The following FAM53A variants were observed in gnomAD, a reference collection of about 807,000 sequenced individuals.
FAM53A encodes the protein family with sequence similarity 53 member A, also known as protein FAM53A.
FAM53A carries 28 observed loss-of-function variants against 26.6 expected under a neutral mutation model. The observed-to-expected ratio is 1.05, with a 90% CI of 0.78 to 1.45. The LOEUF (loss-of-function observed/expected upper bound fraction) is 1.45, where lower values mean the gene tolerates loss of function less well. Ranked by LOEUF, FAM53A falls within the 40% of genes most tolerant of loss-of-function variation. The probability of loss-of-function intolerance (pLI) is 0.00; values close to 1 mark genes in which losing one functional copy is unlikely to be tolerated. For synonymous variants in FAM53A, 290 were observed against 253.1 expected (o/e 1.15, Z -1.38); for missense variants, 650 against 575.8 (o/e 1.13, Z -1.32).
the FAM53A span, among the ~76,000 whole-genome samples, chr4:1,586,907 T>G: frequency 6.6e-6 from 1 of 152,260 alleles, no homozygotes; most frequent in Admixed American, 6.5e-5. Context: ...ACTTGTTATC[T>G]TTCATCTTTT....
chr4:1,621,552 G>A (rs1008019476), intron 1 of FAM53A, among the ~76,000 whole-genome samples: 3 of 152,128 alleles, frequency 2.0e-5, no homozygotes, highest in African/African-American at 7.2e-5. Context: ...GGACAGTGGG[G>A]TGGATCTGCC....
chr4:1,596,913 A>T, the FAM53A span, among the ~76,000 whole-genome samples: 1 of 152,038 alleles, frequency 6.6e-6, no homozygotes, highest in Non-Finnish European at 1.5e-5. Context: ...AACGGAGGAG[A>T]GGGAGACAGC....
chr4:1,674,668 CAAAAA>C (rs34285756), intron 1 of FAM53A, among the ~76,000 whole-genome samples: 1 of 143,604 alleles, frequency 7.0e-6, no homozygotes. Flanking sequence ...GACTCTGTCT[CAAAAA>C]AAAAAAAAAA....
At chr4:1,641,680 C>A in intron 4 of FAM53A, 73 bp from the exon 5 acceptor site, 1 of 1,520,022 alleles carries the variant, frequency 6.6e-7, no homozygotes, top group Middle Eastern at 1.7e-4. Flanking sequence ...ACCAACCCAT[C>A]GAGGGCTCGG....
At chr4:1,601,567 T>TC in the FAM53A span, among the ~76,000 whole-genome samples, 3 of 108,872 alleles carry the variant, frequency 2.8e-5, 1 homozygote, top group African/African-American at 9.2e-5. Flanking sequence ...CTGCGCCCCA[T>TC]TTGCCATGCG....
the FAM53A span, among the ~76,000 whole-genome samples, chr4:1,586,710 G>A: frequency 2.0e-5 from 3 of 151,002 alleles, no homozygotes; most frequent in African/African-American, 7.3e-5. Flanking sequence ...GTGAACCTGG[G>A]AGGCAGAGCT....
chr4:1,586,986 G>A, the FAM53A span, among the ~76,000 whole-genome samples: 1 of 152,180 alleles, frequency 6.6e-6, no homozygotes. Context: ...TTCCCTGACT[G>A]TTCATGACAC....
intron 1 of FAM53A, among the ~76,000 whole-genome samples, chr4:1,621,549 G>T (rs1448055106): frequency 1.3e-5 from 2 of 152,100 alleles, no homozygotes; most frequent in African/African-American, 4.8e-5. Context: ...GGGGGACAGT[G>T]GGGTGGATCT....
At chr4:1,592,822 GC>G in the FAM53A span, among the ~76,000 whole-genome samples, 3 of 152,168 alleles carry the variant, frequency 2.0e-5, no homozygotes, top group African/African-American at 4.8e-5. Context: ...GCCTGAGTGG[GC>G]GCCGGGCACC....
intron 2 of FAM53A, among the ~76,000 whole-genome samples, chr4:1,665,963 C>CCT (rs1331914613): frequency 1.6e-5 from 2 of 126,266 alleles, no homozygotes; most frequent in Non-Finnish European, 3.4e-5. Context: ...CCTGCACCCC[C>CCT]ATATCTAAAA....
chr4:1,684,740 T>C (rs767624922), upstream of FAM53A, among the ~76,000 whole-genome samples: 7 of 152,072 alleles, frequency 4.6e-5, no homozygotes, highest in Non-Finnish European at 1.0e-4. Flanking sequence ...GCCGCCGCCT[T>C]CCCGCCTGCC....
chr4:1,601,886 T>G, the FAM53A span, among the ~76,000 whole-genome samples: 1 of 25,288 alleles, frequency 4.0e-5, no homozygotes, highest in African/African-American at 9.7e-5. Context: ...GGAGGGGGGA[T>G]GGGCGGCCAG....
At chr4:1,574,531 T>G in the FAM53A span, 17 of 152,450 alleles carry the variant, frequency 1.1e-4, no homozygotes, top group African/African-American at 3.9e-4. Flanking sequence ...TCCAGCACGT[T>G]TCTTCAGATT....
In FAM53A at chr4:1,655,509, G is replaced by C. The variant is rs774881060; in HGVS notation, c.351C>G (p.Thr117=). 7.6e-6 allele frequency: 12 copies of C among 1,571,458 alleles called. No individual in the cohort carries two copies. The highest frequency in any genetic ancestry group is 1.1e-5 in the South Asian group (1 of 87,388). Residue 117 remains threonine, a synonymous_variant, in exon 4 of 5, where the codon ACC becomes ACG. Transcript: ENST00000308132. ...CTGACAAGGACCGGCAATGCCGCTTGGTCGGTGGGGCCGTGGACGAGCCTG... is the reference window on the plus strand; with the variant it reads ...CTGACAAGGACCGGCAATGCCGCTTCGTCGGTGGGGCCGTGGACGAGCCTG... The part of the protein sequence containing the change: ...ESTGSSTAPP[T]KRHCRSLSEP...
chr4:1,631,747 C>T lies in FAM53A; in HGVS notation c.432-13636G>A, dbSNP rs59729385. Among the ~76,000 whole-genome samples the T allele has an allele frequency of 6.5e-3, 982 of 152,240 alleles. 14 individuals carry two copies. The highest frequency in any genetic ancestry group is 0.023 in the African/African-American group (943 of 41,530). On this transcript the variant is annotated intron_variant, in intron 1 of 1. Transcript: ENST00000489029. ...ACGTGGAATAAACACACAGAAAAGC[C>T]GCTCCCACAGGCAACCCACTGAAAA...
chr4:1,649,194 G>GGGGAAGGGGAAA (rs1712528681), intron 4 of FAM53A, among the ~76,000 whole-genome samples: 3 of 143,958 alleles, frequency 2.1e-5, no homozygotes, highest in African/African-American at 5.4e-5. Context: ...GGAAGGGGAA[G>GGGGAAGGGGAAA]GGGAAAGGGA....
rs1711695533 is a variant in FAM53A at position 1,641,365 on chromosome 4, G to A, written c.1125C>T (p.Asp375=). Residue 375 remains aspartate, a synonymous_variant, in exon 5 of 5, where the codon GAC becomes GAT. Coordinates refer to ENST00000308132, the MANE Select transcript of FAM53A (RefSeq NM_001174070.3). ...GGAAGACGCCCTCCTCCCCGACACT[G>A]TCCCCATCACGGGGGTCCCCGCTGC... The part of the protein sequence containing the change: ...RRSSGDPRDG[D]SVGEEGVFPR... 1.9e-6 allele frequency: 3 copies of A among 1,611,130 alleles called. No homozygotes were observed. The highest frequency in any genetic ancestry group is 2.2e-5 in the East Asian group (1 of 44,868).
chr4:1,611,610 G>T, the FAM53A span, among the ~76,000 whole-genome samples: 1 of 152,238 alleles, frequency 6.6e-6, no homozygotes, highest in Non-Finnish European at 1.5e-5. Flanking sequence ...GGCCTGGGCG[G>T]GCAGCACCGT....
the FAM53A span, among the ~76,000 whole-genome samples, chr4:1,583,173 C>A: frequency 6.6e-6 from 1 of 152,150 alleles, no homozygotes. Flanking sequence ...AGAGACCCAG[C>A]AAAATCATGT....
Sources: allele counts gnomAD v4.1 joint callset (sites outside exome capture counted in the v4.1 genomes callset), GRCh38; gene constraint gnomAD v4.1.1; transcripts MANE v1.5; gene names NCBI Gene and HGNC (gene_info 2026-07-23, HGNC 2026-07-21).